ADAMTSL1: variants seen among roughly 807,000 people sequenced by gnomAD.
ADAMTSL1 encodes the protein ADAMTS-like protein 1.
In ADAMTSL1, 126 loss-of-function variants were observed where a neutral mutation model predicts 201.8. That is an observed-to-expected ratio of 0.62 (90% CI 0.54 to 0.72). The LOEUF (loss-of-function observed/expected upper bound fraction) is 0.72. Ranked by LOEUF, ADAMTSL1 falls within the 30% of genes least tolerant of loss-of-function variation. The probability of loss-of-function intolerance (pLI) is 0.00; values close to 1 mark genes in which losing one functional copy is unlikely to be tolerated. For missense variants in ADAMTSL1, 2,679 were observed against 2,277.8 expected (o/e 1.18, Z -3.59); for synonymous variants, 1,121 against 903.4 (o/e 1.24, Z -4.32).
intron 18 of ADAMTSL1, 80 bp downstream of exon 18, chr9:18,775,976 T>G: frequency 6.6e-7 from 1 of 1,513,540 alleles, no homozygotes; most frequent in Non-Finnish European, 8.9e-7. Context: ...TGGCCTTCCC[T>G]AAACTCAAGA....
chr9:18,336,876 A>G (rs1219647457), intron 2 of ADAMTSL1, among the ~76,000 whole-genome samples: 1 of 152,200 alleles, frequency 6.6e-6, no homozygotes, highest in Admixed American at 6.5e-5. Context: ...AAACTCTAAT[A>G]ATGATATTAT....
intron 1 of ADAMTSL1, among the ~76,000 whole-genome samples, chr9:18,503,440 T>TATATATATATATATAC (rs1304107760): frequency 3.4e-5 from 5 of 148,278 alleles, no homozygotes; most frequent in African/African-American, 9.8e-5. Flanking sequence ...TATATATATA[T>TATATATATATATATAC]ACCACATTTT....
intron 4 of ADAMTSL1, among the ~76,000 whole-genome samples, chr9:18,598,817 T>G (rs992046175): frequency 3.3e-5 from 5 of 152,116 alleles, no homozygotes; most frequent in African/African-American, 1.2e-4. Context: ...CAGTTTAGTT[T>G]CTTTGCCATC....
intron 1 of ADAMTSL1, among the ~76,000 whole-genome samples, chr9:18,148,198 T>A (rs1826739197): frequency 6.6e-6 from 1 of 151,638 alleles, no homozygotes; most frequent in South Asian, 2.1e-4. Context: ...GAGAAGGGAG[T>A]GGGCTTTTTG....
chr9:18,644,389 T>C (rs1827649423), intron 7 of ADAMTSL1, among the ~76,000 whole-genome samples: 1 of 151,808 alleles, frequency 6.6e-6, no homozygotes, highest in Admixed American at 6.6e-5. Context: ...ATTTTTATTT[T>C]TTTAATTATT....
intron 2 of ADAMTSL1, among the ~76,000 whole-genome samples, chr9:18,326,816 G>A (rs888527774): frequency 2.6e-5 from 4 of 152,278 alleles, no homozygotes; most frequent in African/African-American, 9.6e-5. Flanking sequence ...TTTTCCTAAT[G>A]TGGAGCTTTT....
At chr9:18,365,875 G>T (rs906677860) in intron 2 of ADAMTSL1, among the ~76,000 whole-genome samples, 1 of 152,166 alleles carries the variant, frequency 6.6e-6, no homozygotes, top group African/African-American at 2.4e-5. Flanking sequence ...ATTCTTACAG[G>T]AGTGTGAACC....
intron 3 of ADAMTSL1, among the ~76,000 whole-genome samples, chr9:18,546,291 T>C (rs2132188669): frequency 6.6e-6 from 1 of 152,240 alleles, no homozygotes; most frequent in Admixed American, 6.5e-5. Flanking sequence ...GTGGGAAGGC[T>C]AAAGAGGCAT....
intron 2 of ADAMTSL1, among the ~76,000 whole-genome samples, chr9:18,399,266 C>T (rs1241916716): frequency 9.0e-6 from 1 of 110,882 alleles, no homozygotes; most frequent in African/African-American, 3.4e-5. Flanking sequence ...TCTTTAGTTC[C>T]TCTGTCTGCT....
At chr9:18,290,703 C>T (rs1833216224) in intron 2 of ADAMTSL1, among the ~76,000 whole-genome samples, 1 of 151,946 alleles carries the variant, frequency 6.6e-6, no homozygotes, top group Non-Finnish European at 1.5e-5. Context: ...AAGGAATCAC[C>T]ACAGGCAGTG....
intron 2 of ADAMTSL1, among the ~76,000 whole-genome samples, chr9:18,388,243 A>G (rs1837885754): frequency 6.6e-6 from 1 of 151,168 alleles, no homozygotes; most frequent in South Asian, 2.1e-4. Context: ...TTAATGATTT[A>G]TTTATATCTA....
chr9:18,398,096 T>G (rs61647240), intron 2 of ADAMTSL1, among the ~76,000 whole-genome samples: 5 of 152,122 alleles, frequency 3.3e-5, no homozygotes, highest in Non-Finnish European at 5.9e-5. Context: ...TAGTATTGGT[T>G]TTCAACACTC....
intron 1 of ADAMTSL1, among the ~76,000 whole-genome samples, chr9:18,066,859 T>C (rs970835242): frequency 3.3e-5 from 5 of 152,092 alleles, no homozygotes; most frequent in Non-Finnish European, 5.9e-5. Flanking sequence ...AAAGTGGAAA[T>C]CATCATTCTC....
intron 7 of ADAMTSL1, among the ~76,000 whole-genome samples, chr9:18,646,536 T>G (rs560917967): frequency 1.2e-4 from 17 of 147,108 alleles, no homozygotes; most frequent in African/African-American, 4.3e-4. Flanking sequence ...TTGTCACAGA[T>G]AGCTCTTATT....
chr9:18,112,819 A>G (rs1028163003), intron 1 of ADAMTSL1, among the ~76,000 whole-genome samples: 3 of 152,176 alleles, frequency 2.0e-5, no homozygotes, highest in African/African-American at 7.2e-5. Flanking sequence ...CCTCATCCCT[A>G]GAGTCTAGCA....
At chr9:18,590,425 C>A (rs1823832841) in intron 4 of ADAMTSL1, among the ~76,000 whole-genome samples, 1 of 151,762 alleles carries the variant, frequency 6.6e-6, no homozygotes, top group African/African-American at 2.4e-5. Context: ...GTTAGCCTAA[C>A]TAATGGTTTG....
chr9:18,565,612 G>C (rs1821840416), intron 3 of ADAMTSL1, among the ~76,000 whole-genome samples: 1 of 150,568 alleles, frequency 6.6e-6, no homozygotes, highest in African/African-American at 2.4e-5. Flanking sequence ...AAAAAGGAGG[G>C]AAAATTAGCC....
At chr9:18,787,227 GT>G (rs1370998487) in intron 19 of ADAMTSL1, among the ~76,000 whole-genome samples, 1 of 152,156 alleles carries the variant, frequency 6.6e-6, no homozygotes, top group Non-Finnish European at 1.5e-5. Flanking sequence ...CAGTTGAAAA[GT>G]GTAAGAATAG....
At chr9:18,658,973 ACAAT>A (rs1292847900) in intron 8 of ADAMTSL1, among the ~76,000 whole-genome samples, 4 of 152,250 alleles carry the variant, frequency 2.6e-5, no homozygotes, top group African/African-American at 9.6e-5. Flanking sequence ...CAGAAGGATA[ACAAT>A]CAGTGTGTGA....
Sources: gnomAD v4.1 joint callset for allele counts (sites outside exome capture counted in the v4.1 genomes callset) on GRCh38, gnomAD v4.1.1 for gene constraint, MANE v1.5 for transcripts, NCBI Gene and HGNC (gene_info 2026-07-23, HGNC 2026-07-21) for gene names.